RAPGEF3: variants seen among roughly 807,000 people sequenced by gnomAD.
RAPGEF3 encodes the protein Rap guanine nucleotide exchange factor 3.
A neutral mutation model predicts 129.8 loss-of-function variants in RAPGEF3; 103 were observed. That is an observed-to-expected ratio of 0.79 (90% CI 0.68 to 0.93). The LOEUF is 0.93. RAPGEF3 is among the 40% of genes least tolerant of loss of function. RAPGEF3 has a pLI of 0.00. For synonymous variants in RAPGEF3, 436 were observed against 482.6 expected (o/e 0.90, Z 1.26); for missense variants, 1,117 against 1,207.4 (o/e 0.93, Z 1.11).
Position 47,737,216 on chromosome 12 carries a change from C to T in RAPGEF3, c.*351G>A, listed in dbSNP as rs776651523. ...CTGTGAAAATAAACTGCAGGCCTGGCTGGACAACAAAGCCAGAGGCACAGA... is the reference window on the plus strand; with the variant it reads ...CTGTGAAAATAAACTGCAGGCCTGGTTGGACAACAAAGCCAGAGGCACAGA... On this transcript the variant is annotated 3_prime_UTR_variant, in exon 28 of 28. Transcript: ENST00000449771. 3 of 285,748 alleles carry T rather than the reference C, an allele frequency of 1.0e-5. No homozygotes were observed. Among genetic ancestry groups the T allele is most frequent in the Non-Finnish European group, 2.0e-5 (3 of 149,836 alleles). The allele number at this position is 285,748 out of a possible 1,614,324, so 17.7% of individuals were successfully genotyped here. A position where few individuals can be genotyped will look rare whatever the true frequency, so the allele number is the denominator to read the frequency against.
rs921869430 is a variant in RAPGEF3, at chr12:47,758,061, C to G, written c.24G>C (p.Glu8Asp). ...CAGCCAGGCCCACCTGCCAGCAGCTCTCACCTGGCCAGCCCACCTGTGACA... is the reference window on the plus strand; with the variant it reads ...CAGCCAGGCCCACCTGCCAGCAGCTGTCACCTGGCCAGCCCACCTGTGACA... MKVGWPG[E>D]SCWQVGLAVE... is the part of the protein sequence containing the mutation. The change falls in exon 2 of 28, where the codon GAG becomes GAC. Residue 8 changes from glutamate to aspartate, a missense_variant. This residue lies in a region of RAPGEF3 where 367 missense variants were observed against 373.4 expected (regional missense o/e 0.98). Transcript: ENST00000449771. 5.1e-6 allele frequency: 8 copies of G among 1,568,240 alleles called. No homozygotes were observed. Among genetic ancestry groups the G allele is most frequent in the Non-Finnish European group, 6.9e-6 (8 of 1,156,288 alleles).
rs781347864 is a variant in RAPGEF3 at position 47,738,102 on chromosome 12, G to A, written c.2582-9C>T. On this transcript the variant is annotated splice_polypyrimidine_tract_variant and intron_variant, in intron 26 of 27. Transcript: ENST00000449771. ...GAGTGGTGAGAGAGGCACTGCGGGG[G>A]TGGGGAGGGGTCATGGAGTCAGGGC... 3.3e-5 allele frequency: 54 copies of A among 1,613,996 alleles called. No individual in the cohort carries two copies. The highest frequency in any genetic ancestry group is 4.2e-5 in the Non-Finnish European group (50 of 1,180,030).
rs559675833 is a variant in RAPGEF3 at position 47,737,662 on chromosome 12, G to A, written c.2677C>T (p.Arg893Trp). Residue 893 changes from arginine to tryptophan, a missense_variant, in exon 28 of 28, where the codon CGG (arginine) becomes TGG (tryptophan). Transcript: ENST00000449771. ...STCSEQSLST[R>W]SPASTWAYVQ... ...TAAGCCCAGGTGCTGGCTGGACTCC[G>A]GGTGCTCAGGGACTGCTCCGAGCCT... The A allele has an allele frequency of 3.0e-5, 49 of 1,613,200 alleles. No individual in the cohort carries two copies. In the East Asian group the frequency reaches 4.0e-4, roughly 13 times the overall value.
chr12:47,747,475 G>T, intron 15 of RAPGEF3, 69 bp downstream of exon 15: 1 of 1,510,970 alleles, frequency 6.6e-7, no homozygotes, highest in Non-Finnish European at 9.2e-7. Context: ...TGACTCCAGA[G>T]CGTATGCTCT....
intron 6 of RAPGEF3, among the ~76,000 whole-genome samples, chr12:47,750,736 G>A (rs894626873): frequency 7.2e-5 from 11 of 152,182 alleles, no homozygotes; most frequent in South Asian, 2.1e-4. Context: ...TGGACCCACC[G>A]GACTGCAGTT....
intron 2 of RAPGEF3, chr12:47,752,656 T>C (rs1487396066): frequency 6.5e-6 from 1 of 153,528 alleles, no homozygotes; most frequent in African/African-American, 2.4e-5. Context: ...CATGAGGTTT[T>C]GGGAGAATTA....
At chr12:47,739,837 A>C (rs896139919) in intron 23 of RAPGEF3, 30 of 495,398 alleles carry the variant, frequency 6.1e-5, no homozygotes, top group Non-Finnish European at 9.9e-5. Context: ...CTGGCACCTC[A>C]GACCCCAGGA....
intron 18 of RAPGEF3, 43 bp from the exon 19 acceptor site, chr12:47,741,645 A>T: frequency 2.8e-6 from 4 of 1,454,282 alleles, no homozygotes; most frequent in Non-Finnish European, 2.9e-6. Context: ...GAAGGGAGGG[A>T]GGCCGGGGAC....
intron 18 of RAPGEF3, 26 bp from the exon 19 acceptor site, chr12:47,741,628 G>T (rs553778978): frequency 6.3e-7 from 1 of 1,590,310 alleles, no homozygotes; most frequent in Non-Finnish European, 8.6e-7. Context: ...AGGCGGACTG[G>T]GTGGGGGAAG....
rs187835381 is a variant in RAPGEF3, at chr12:47,751,028, G to A, written c.671+20C>T. 6.3e-3 allele frequency: 9,973 copies of A among 1,592,548 alleles called. 45 individuals are homozygous for A. Among genetic ancestry groups the A allele is most frequent in the Non-Finnish European group, 8.0e-3 (9,339 of 1,170,598 alleles). On this transcript the variant is annotated intron_variant, in intron 6 of 27. Transcript: ENST00000449771. ...GCTGTGTGAGGCCTGGGGTCACGGG[G>A]TGCAGGGATTCTGACTCACGGCTTT... is the stretch of plus-strand genomic sequence containing the variant.
At chr12:47,742,979 C>T (rs1305134201) in intron 18 of RAPGEF3, among the ~76,000 whole-genome samples, 14 of 152,254 alleles carry the variant, frequency 9.2e-5, no homozygotes, top group Admixed American at 9.2e-4. Flanking sequence ...AGACCAGCTA[C>T]TCTCACTGTG....
At chr12:47,745,290 C>T (rs753216021) in intron 16 of RAPGEF3, 68 of 152,414 alleles carry the variant, frequency 4.5e-4, no homozygotes, top group Non-Finnish European at 7.9e-4. Context: ...CACTCGACTT[C>T]AGTGGCGTCC....
Position 47,751,449 on chromosome 12 carries a change from T to G in RAPGEF3, c.452A>C (p.Gln151Pro). Residue 151 changes from glutamine to proline, a missense_variant, in exon 5 of 28, where the codon CAA (glutamine) becomes CCA (proline). This residue lies in a region of RAPGEF3 where 367 missense variants were observed against 373.4 expected (regional missense o/e 0.98). Coordinates refer to ENST00000449771, the MANE Select transcript of RAPGEF3 (RefSeq NM_001098531.4). ...CAGCACCTGGCAGATTCCCACAACT[T>G]GGCTCCGGGAATGGACCCCAAGTCC... is the stretch of plus-strand genomic sequence containing the variant. ...ALGLGVHSRSQVVGICQVLLD... is the reference protein window; with the variant it reads ...ALGLGVHSRSPVVGICQVLLD... 2.5e-6 allele frequency: 4 copies of G among 1,614,104 alleles called. No homozygotes were observed. The highest frequency in any genetic ancestry group is 3.4e-6 in the Non-Finnish European group (4 of 1,180,004).
chr12:47,748,349 C>T, intron 12 of RAPGEF3, 105 bp downstream of exon 12: 1 of 1,152,276 alleles, frequency 8.7e-7, no homozygotes, highest in South Asian at 1.4e-5. Context: ...CTGTACAGAC[C>T]AATCCAGCAT....
At chr12:47,746,935 G>C (rs1345471512) in intron 15 of RAPGEF3, 36 bp from the exon 16 acceptor site, 2 of 1,590,232 alleles carry the variant, frequency 1.3e-6, no homozygotes, top group African/African-American at 2.7e-5. Context: ...AGTGAGCCCA[G>C]GTATCCCTGG....
chr12:47,738,959 A>T, intron 24 of RAPGEF3, 184 bp downstream of exon 24: 1 of 689,620 alleles, frequency 1.5e-6, no homozygotes, highest in Non-Finnish European at 2.5e-6. Flanking sequence ...TCATTCTTCC[A>T]GTCTAAGAAC....
intron 23 of RAPGEF3, chr12:47,739,579 G>A (rs1052279726): frequency 1.7e-5 from 8 of 472,824 alleles, no homozygotes; most frequent in Non-Finnish European, 3.1e-5. Flanking sequence ...CCCACGAGGT[G>A]GATTTTCTCT....
intron 12 of RAPGEF3, 128 bp downstream of exon 12, chr12:47,748,326 T>G: frequency 3.0e-6 from 3 of 1,013,376 alleles, no homozygotes; most frequent in Non-Finnish European, 3.0e-6. Context: ...GTAAGAGGAC[T>G]TATTGCCAAC....
At position 47,737,046 on chromosome 12, in the gene RAPGEF3, G is replaced by C. The variant is rs1565744935; in HGVS notation, c.*521C>G. Reference sequence around the variant, plus strand: ...TTGACAGTAACAATAAAGCTCCTCAGGGACCACCGCACAGGCCCGCAGCCC... The same window carrying C: ...TTGACAGTAACAATAAAGCTCCTCACGGACCACCGCACAGGCCCGCAGCCC... On this transcript the variant is annotated 3_prime_UTR_variant, in exon 28 of 28. Coordinates refer to ENST00000449771, the MANE Select transcript of RAPGEF3 (RefSeq NM_001098531.4). The C allele has an allele frequency of 6.1e-6, 1 of 163,004 alleles. No individual in the cohort carries two copies. 10.1% of individuals were successfully genotyped at this position (163,004 alleles called of 1,614,324 possible). A position where few individuals can be genotyped will look rare whatever the true frequency, so the allele number is the denominator to read the frequency against.
Sources: gnomAD v4.1 joint callset for allele counts (sites outside exome capture counted in the v4.1 genomes callset) on GRCh38, gnomAD v4.1.1 for gene constraint, gnomAD v4.1.1 regional missense constraint, MANE v1.5 for transcripts, NCBI Gene and HGNC (gene_info 2026-07-23, HGNC 2026-07-21) for gene names.